LRRC74A: variants seen among roughly 807,000 people sequenced by gnomAD.
LRRC74A encodes leucine rich repeat containing 74A.
In LRRC74A, 44 loss-of-function variants were observed where a neutral mutation model predicts 57.9. That is an observed-to-expected ratio of 0.76 (90% CI 0.60 to 0.98). The LOEUF (loss-of-function observed/expected upper bound fraction) is 0.98, where lower values mean the gene tolerates loss of function less well. Among genes scored for constraint, LRRC74A ranks in the 50% least tolerant of loss-of-function variants. The pLI is 0.00. For missense variants in LRRC74A, 572 were observed against 574.0 expected (o/e 1.00, Z 0.04); for synonymous variants, 211 against 219.4 (o/e 0.96, Z 0.34).
Position 76,860,756 on chromosome 14 carries a change from C to A in LRRC74A, c.1117C>A (p.Leu373Met), listed in dbSNP as rs373610283. The A allele has an allele frequency of 6.2e-7, 1 of 1,611,584 alleles. No homozygotes were observed. The highest frequency in any genetic ancestry group is 8.5e-7 in the Non-Finnish European group (1 of 1,177,962). Residue 373 changes from leucine to methionine, a missense_variant, in exon 11 of 14, where the codon CTG becomes ATG. Physicochemically the swap from Leu to Met is conservative, Grantham distance 15 (BLOSUM62 2). Coordinates refer to ENST00000689127, the MANE Select transcript of LRRC74A (RefSeq NM_001385106.1). ...CGGAGTGTATGCCGTTCACCCGCAG[C>A]TGGACGTGGTATTCAAGGCAGTACA... ...LDGVYAVHPQ[L>M]DVVFKAVQGL...
At chr14:76,853,116 C>T (rs978129648) in intron 8 of LRRC74A, 100 bp from the exon 9 acceptor site, 3 of 1,134,346 alleles carry the variant, frequency 2.6e-6, no homozygotes, top group Non-Finnish European at 3.9e-6. Flanking sequence ...CCACTGAGCA[C>T]CCGGTCTGGA....
chr14:76,837,699 C>T (rs1038452276), intron 4 of LRRC74A, among the ~76,000 whole-genome samples, 176 bp from the exon 5 acceptor site: 3 of 152,060 alleles, frequency 2.0e-5, no homozygotes, highest in Non-Finnish European at 4.4e-5. Flanking sequence ...CTCTAGAGCC[C>T]GGTTTCCTAT....
Position 76,844,896 on chromosome 14 carries a change from T to C in LRRC74A, c.671T>C (p.Met224Thr), listed in dbSNP as rs200597036. 3 of 1,555,390 alleles carry C rather than the reference T, an allele frequency of 1.9e-6. No homozygotes were observed. The highest frequency in any genetic ancestry group is 1.7e-5 in the Admixed American group (1 of 59,888). ...SDVGGEHLGQMLAINVGLTSL... is the reference protein window; with the variant it reads ...SDVGGEHLGQTLAINVGLTSL... ...GTAGGAGGGGAGCACCTGGGCCAGA[T>C]GCTGGGTGAGTCTCCCTGGAGGAAG... Residue 224 changes from methionine (M) to threonine (T), a missense_variant, in exon 7 of 14, where the codon ATG (methionine) becomes ACG (threonine). Transcript: ENST00000689127.
At chr14:76,864,702 A>C (rs1347847708) in intron 11 of LRRC74A, among the ~76,000 whole-genome samples, 1 of 152,090 alleles carries the variant, frequency 6.6e-6, no homozygotes, top group Admixed American at 6.5e-5. Flanking sequence ...AAAAATACAA[A>C]AATAGGCTGT....
rs780266280 is a variant in LRRC74A at position 76,853,150 on chromosome 14, G to T, written c.763-66G>T. On this transcript the variant is annotated intron_variant, in intron 8 of 13. Coordinates refer to ENST00000689127, the MANE Select transcript of LRRC74A (RefSeq NM_001385106.1). ...GATGCCAACAGGGGGTAGAAATCGG[G>T]ACCCTTTTGGTTGGATGAGTCACGC... The T allele has an allele frequency of 6.9e-6, 10 of 1,457,858 alleles. No individual in the cohort carries two copies. The African/African-American group carries it at 1.3e-4, about 19-fold the overall frequency. The allele number at this position is 1,457,858 out of a possible 1,614,324, so 90.3% of individuals were successfully genotyped here. A position where few individuals can be genotyped will look rare whatever the true frequency, so the allele number is the denominator to read the frequency against.
rs1595365099 is a variant in LRRC74A, at chr14:76,844,337, G to A, written c.545-86G>A. On this transcript the variant is annotated intron_variant, in intron 5 of 13. Transcript: ENST00000689127. The stretch of plus-strand genomic sequence containing the variant: ...TTTTTTCTGTTCGATTGTTCTAAAG[G>A]GAAGTGGACTGGGAGGGGCAGGGGG... 24 of 1,239,450 alleles carry A rather than the reference G, an allele frequency of 1.9e-5. No individual in the cohort carries two copies. The East Asian group carries it at 5.2e-4, about 27-fold the overall frequency. 76.8% of individuals were successfully genotyped at this position (1,239,450 alleles called of 1,614,324 possible). A position where few individuals can be genotyped will look rare whatever the true frequency, so the allele number is the denominator to read the frequency against.
At chr14:76,834,064 T>C (rs1896153512) in intron 3 of LRRC74A, among the ~76,000 whole-genome samples, 1 of 152,224 alleles carries the variant, frequency 6.6e-6, no homozygotes, top group Non-Finnish European at 1.5e-5. Context: ...GTAGAATACA[T>C]GGTCTTATTT....
At chr14:76,841,450 A>G (rs1040356164) in intron 5 of LRRC74A, among the ~76,000 whole-genome samples, 2 of 152,104 alleles carry the variant, frequency 1.3e-5, no homozygotes, top group African/African-American at 4.8e-5. Flanking sequence ...TAATTCTGCA[A>G]TCTTGGCTAT....
chr14:76,831,284 A>G lies in LRRC74A; in HGVS notation c.248A>G (p.Tyr83Cys), dbSNP rs368816984. The change falls in exon 3 of 14, where the codon TAC becomes TGC. Residue 83 changes from tyrosine (Y) to cysteine (C), a missense_variant. Physicochemically the swap from Tyr to Cys is radical, Grantham distance 194. Coordinates refer to ENST00000689127, the MANE Select transcript of LRRC74A (RefSeq NM_001385106.1). ...CTGATGGGTGTAGTGCCTGTCTCCTACTTCATTCGGAACATGGAGGAGTCC... is the reference window on the plus strand; with the variant it reads ...CTGATGGGTGTAGTGCCTGTCTCCTGCTTCATTCGGAACATGGAGGAGTCC... ...CKLMGVVPVS[Y>C]FIRNMEESYV... 1.5e-5 allele frequency: 24 copies of G among 1,613,914 alleles called. No homozygotes were observed. In the African/African-American group the frequency reaches 2.7e-4, roughly 18 times the overall value.
At chr14:76,859,960 G>A (rs953094057) in intron 10 of LRRC74A, among the ~76,000 whole-genome samples, 10 of 152,066 alleles carry the variant, frequency 6.6e-5, no homozygotes, top group African/African-American at 2.4e-4. Context: ...TTACAGGCTT[G>A]AGACATCGAG....
chr14:76,835,967 T>C (rs747514202), intron 3 of LRRC74A, among the ~76,000 whole-genome samples: 1 of 152,194 alleles, frequency 6.6e-6, no homozygotes, highest in Non-Finnish European at 1.5e-5. Flanking sequence ...CTCCAACTTG[T>C]CAGGGTTTTA....
chr14:76,857,537 T>G, intron 10 of LRRC74A, 62 bp downstream of exon 10: 1 of 1,228,122 alleles, frequency 8.1e-7, no homozygotes, highest in Non-Finnish European at 1.2e-6. Flanking sequence ...GTCCACTCTA[T>G]ACTCTGTGTT....
rs544072728 is a variant in LRRC74A at position 76,841,356 on chromosome 14, G to C, written c.545-3067G>C. The stretch of plus-strand genomic sequence containing the variant: ...TGTGCCCAGCCAATAAATATGTTTC[G>C]TGTGTGAGTGGGCAAAGACTACCCC... On this transcript the variant is annotated intron_variant, in intron 5 of 13. Coordinates refer to ENST00000689127, the MANE Select transcript of LRRC74A (RefSeq NM_001385106.1). 5.3e-5 allele frequency among the ~76,000 whole-genome samples: 8 copies of C among 152,236 alleles called. No individual in the cohort carries two copies. The South Asian group carries it at 1.7e-3, about 32-fold the overall frequency.
chr14:76,858,514 C>A (rs1352764377), intron 10 of LRRC74A, among the ~76,000 whole-genome samples: 2 of 152,274 alleles, frequency 1.3e-5, no homozygotes, highest in South Asian at 2.1e-4. Flanking sequence ...TTCACGGGTC[C>A]TAGGGGTTAG....
chr14:76,850,619 CA>C (rs1392479470), intron 7 of LRRC74A, among the ~76,000 whole-genome samples: 2 of 152,060 alleles, frequency 1.3e-5, no homozygotes, highest in African/African-American at 4.8e-5. Flanking sequence ...ATAATCCCAG[CA>C]CTTTGGGAGT....
At position 76,837,912 on chromosome 14, in the gene LRRC74A, GA is replaced by G. The variant is rs759767511; in HGVS notation, c.487del (p.Ile163SerfsTer54). ...SNNHLGLEGA[R>X]IISDFFERNS... is the part of the protein sequence containing the mutation. ...AATCACCTTGGTTTGGAGGGGGCCA[GA>G]ATCATCTCAGATTTCTTTGAGAGAA... On this transcript the variant is annotated frameshift_variant, in exon 5 of 14. Coordinates refer to ENST00000689127, the MANE Select transcript of LRRC74A (RefSeq NM_001385106.1). LOFTEE classifies it high-confidence loss of function. 10 of 1,593,176 alleles carry G rather than the reference GA, an allele frequency of 6.3e-6. No homozygotes were observed. In the African/African-American group the frequency reaches 1.1e-4, roughly 17 times the overall value.
At chr14:76,868,754 G>A (rs1019395286) in intron 13 of LRRC74A, among the ~76,000 whole-genome samples, 1 of 152,146 alleles carries the variant, frequency 6.6e-6, no homozygotes, top group African/African-American at 2.4e-5. Context: ...TCTTTCCTTC[G>A]CTCCACTCAG....
At chr14:76,870,079 G>A in intron 13 of LRRC74A, 46 bp from the exon 14 acceptor site, 1 of 1,591,066 alleles carries the variant, frequency 6.3e-7, no homozygotes, top group Non-Finnish European at 8.6e-7. Context: ...CATCAGCCAT[G>A]AGGCTGTACG....
chr14:76,834,452 C>T (rs900443087), intron 3 of LRRC74A, among the ~76,000 whole-genome samples: 2 of 152,160 alleles, frequency 1.3e-5, no homozygotes, highest in Non-Finnish European at 2.9e-5. Context: ...GTAGACTGAA[C>T]TTCTATTTGC....
Sources: gnomAD v4.1 joint callset for allele counts (sites outside exome capture counted in the v4.1 genomes callset) on GRCh38, gnomAD v4.1.1 for gene constraint, MANE v1.5 for transcripts, NCBI Gene and HGNC (gene_info 2026-07-23, HGNC 2026-07-21) for gene names.